CDH18: variants seen among roughly 807,000 people sequenced by gnomAD.
CDH18 encodes the protein cadherin 18.
CDH18 carries 31 observed loss-of-function variants against 67.9 expected under a neutral mutation model. The ratio of observed to expected loss-of-function variants is 0.46; its 90% CI spans 0.34 to 0.62. CDH18 has a LOEUF of 0.62. Among genes scored for constraint, CDH18 ranks in the 20% least tolerant of loss-of-function variants. The pLI is 0.01. For missense variants in CDH18, 890 were observed against 975.5 expected (o/e 0.91, Z 1.17); for synonymous variants, 362 against 347.2 (o/e 1.04, Z -0.48).
At chr5:19,836,309 C>T (rs937002603) in intron 3 of CDH18, among the ~76,000 whole-genome samples, 1 of 152,128 alleles carries the variant, frequency 6.6e-6, no homozygotes, top group African/African-American at 2.4e-5. Flanking sequence ...TCCTATTTCT[C>T]CACATCCTCT....
At chr5:20,199,934 G>A (rs1434116533) in intron 2 of CDH18, among the ~76,000 whole-genome samples, 4 of 152,106 alleles carry the variant, frequency 2.6e-5, no homozygotes, top group Non-Finnish European at 5.9e-5. Context: ...TTTATCTTCT[G>A]CTATGATTCT....
chr5:19,840,031 G>A (rs905003565), intron 2 of CDH18, among the ~76,000 whole-genome samples: 6 of 151,664 alleles, frequency 4.0e-5, no homozygotes, highest in Non-Finnish European at 7.4e-5. Context: ...GGTCGAGGTG[G>A]GCAGATCACA....
intron 2 of CDH18, among the ~76,000 whole-genome samples, chr5:20,020,429 C>A (rs1738307006): frequency 6.6e-6 from 1 of 151,994 alleles, no homozygotes; most frequent in Admixed American, 6.5e-5. Flanking sequence ...CATGGCAGCT[C>A]CTCCCATCAA....
chr5:20,490,007 T>C (rs1051942059), intron 1 of CDH18, among the ~76,000 whole-genome samples: 13 of 151,348 alleles, frequency 8.6e-5, no homozygotes, highest in Non-Finnish European at 1.9e-4. Flanking sequence ...TCTTATCTGA[T>C]AGGGTTTTAA....
intron 1 of CDH18, among the ~76,000 whole-genome samples, chr5:20,365,155 G>C (rs1262368261): frequency 1.3e-5 from 2 of 152,164 alleles, no homozygotes; most frequent in African/African-American, 4.8e-5. Flanking sequence ...ATGCCAGCAT[G>C]GTTGGGTTCT....
intron 3 of CDH18, among the ~76,000 whole-genome samples, chr5:19,811,583 G>A (rs924755332): frequency 3.3e-5 from 5 of 151,930 alleles, no homozygotes; most frequent in South Asian, 2.1e-4. Context: ...ACTTTGTTAC[G>A]GCAGCTCTAG....
At chr5:19,746,855 T>A in intron 4 of CDH18, 87 bp downstream of exon 4, 3 of 1,014,298 alleles carry the variant, frequency 3.0e-6, no homozygotes, top group Non-Finnish European at 4.4e-6. Flanking sequence ...CAGATATATA[T>A]ATATAAGTAA....
chr5:20,567,365 T>C (rs926796282), intron 1 of CDH18, among the ~76,000 whole-genome samples: 3 of 152,142 alleles, frequency 2.0e-5, no homozygotes, highest in Non-Finnish European at 4.4e-5. Flanking sequence ...AACAAATGAC[T>C]TTGAAATATT....
chr5:20,517,773 A>C (rs1252669024), intron 1 of CDH18, among the ~76,000 whole-genome samples: 6 of 152,096 alleles, frequency 3.9e-5, no homozygotes, highest in Non-Finnish European at 8.8e-5. Context: ...AAAAAATCTA[A>C]GTTTGCATGT....
intron 8 of CDH18, among the ~76,000 whole-genome samples, chr5:19,568,151 T>C (rs759394573): frequency 3.7e-4 from 56 of 152,150 alleles, no homozygotes; most frequent in Non-Finnish European, 7.5e-4. Context: ...GGAGTTGTCC[T>C]GTGAGTTTCA....
intron 2 of CDH18, among the ~76,000 whole-genome samples, chr5:20,172,990 CA>C (rs11303081): frequency 0.72 from 100,266 of 139,770 alleles, 35,740 homozygotes; most frequent in African/African-American, 0.89. Context: ...AACTCCGTCT[CA>C]AAAAAAAAAA....
chr5:19,502,271 T>C (rs1365393347), intron 11 of CDH18, among the ~76,000 whole-genome samples: 1 of 152,114 alleles, frequency 6.6e-6, no homozygotes, highest in Admixed American at 6.6e-5. Context: ...ATCAAATATA[T>C]AGTTTGGACA....
chr5:20,078,159 C>G (rs1744110820), intron 2 of CDH18, among the ~76,000 whole-genome samples: 1 of 152,174 alleles, frequency 6.6e-6, no homozygotes, highest in Non-Finnish European at 1.5e-5. Flanking sequence ...ATGCTTCATA[C>G]TGTGTAAGAT....
At chr5:19,637,989 A>G (rs1001066638) in intron 5 of CDH18, among the ~76,000 whole-genome samples, 1 of 152,196 alleles carries the variant, frequency 6.6e-6, no homozygotes, top group Non-Finnish European at 1.5e-5. Flanking sequence ...TTTTTGTATT[A>G]TCTTTCTATT....
At chr5:19,685,339 G>T (rs1580860773) in intron 5 of CDH18, among the ~76,000 whole-genome samples, 1 of 152,214 alleles carries the variant, frequency 6.6e-6, no homozygotes, top group East Asian at 1.9e-4. Context: ...CTTCCCTCCA[G>T]GGACCACAAT....
chr5:19,744,701 T>C (rs1208711648), intron 4 of CDH18, among the ~76,000 whole-genome samples: 1 of 152,200 alleles, frequency 6.6e-6, no homozygotes, highest in African/African-American at 2.4e-5. Flanking sequence ...GGATCATATT[T>C]GTCTAAACAA....
At chr5:20,148,344 G>A (rs527921446) in intron 2 of CDH18, among the ~76,000 whole-genome samples, 34 of 152,112 alleles carry the variant, frequency 2.2e-4, no homozygotes, top group South Asian at 1.9e-3. Flanking sequence ...TGATCCGCCC[G>A]CCTTGGCCTC....
intron 2 of CDH18, among the ~76,000 whole-genome samples, chr5:19,994,845 T>TAGAGAGAGAGAG (rs1216282321): frequency 3.2e-5 from 1 of 31,742 alleles, no homozygotes; most frequent in Admixed American, 4.9e-4. Flanking sequence ...TATATATATA[T>TAGAGAGAGAGAG]ATATATATAT....
chr5:19,584,784 CT>C (rs1743841255), intron 7 of CDH18, among the ~76,000 whole-genome samples: 1 of 7,572 alleles, frequency 1.3e-4, no homozygotes, highest in African/African-American at 3.3e-4. Context: ...CCCGTTTCTA[CT>C]AAAAATACAA....
Sources: gnomAD v4.1 joint callset for allele counts (sites outside exome capture counted in the v4.1 genomes callset) on GRCh38, gnomAD v4.1.1 for gene constraint, MANE v1.5 for transcripts, NCBI Gene and HGNC (gene_info 2026-07-23, HGNC 2026-07-21) for gene names.